Variants in IGFN1 observed in about 807,000 individuals in gnomAD.
IGFN1 encodes the protein immunoglobulin-like and fibronectin type III domain-containing protein 1.
A neutral mutation model predicts 289.5 loss-of-function variants in IGFN1; 253 were observed. The ratio of observed to expected loss-of-function variants is 0.87; its 90% confidence interval spans 0.79 to 0.97. IGFN1 has a LOEUF of 0.97. Among genes scored for constraint, IGFN1 ranks in the 50% least tolerant of loss-of-function variants. IGFN1 has a pLI of 0.00. For synonymous variants in IGFN1, 1,706 were observed against 1,788.5 expected (o/e 0.95, Z 1.16); for missense variants, 4,470 against 4,686.1 (o/e 0.95, Z 1.35).
rs1319543101 is a variant in IGFN1 at position 201,208,147 on chromosome 1, C to T, written c.3254C>T (p.Ser1085Phe). The T allele has an allele frequency of 5.9e-6, 9 of 1,536,950 alleles. No homozygotes were observed. The highest frequency in any genetic ancestry group is 1.7e-4 in the Middle Eastern group (1 of 5,990). The change falls in exon 12 of 24, where the codon TCT (serine) becomes TTT (phenylalanine). Residue 1085 changes from serine to phenylalanine, a missense_variant. By Grantham distance (155) the Ser-to-Phe change is radical. This residue lies in a region of IGFN1 where 2,011 missense variants were observed against 1,953.4 expected (regional missense o/e 1.03). Coordinates refer to ENST00000335211, the MANE Select transcript of IGFN1 (RefSeq NM_001164586.2). ...GGLGSPGVTG[S>F]AGRGGLKAPG... ...CTAGGGAGTCCTGGGGTGACAGGGT[C>T]TGCGGGTAGAGGTGGTCTCAAGGCC... is the stretch of plus-strand genomic sequence containing the variant.
In IGFN1 at chr1:201,211,657, G is replaced by A. The variant is rs1460743523; in HGVS notation, c.6764G>A (p.Gly2255Glu). The A allele has an allele frequency of 2.0e-6, 3 of 1,537,008 alleles. No homozygotes were observed. Among genetic ancestry groups the A allele is most frequent in the South Asian group, 2.4e-5 (2 of 84,056 alleles). ...GAGGCAGATTATAGGAAGGATTTGGGAGCTCCTGAGGAAATGGGTTCAGGC... is the reference window on the plus strand; with the variant it reads ...GAGGCAGATTATAGGAAGGATTTGGAAGCTCCTGAGGAAATGGGTTCAGGC... ...MDEADYRKDL[G>E]APEEMGSGSY... The change falls in exon 12 of 24, where the codon GGA becomes GAA. Residue 2255 changes from glycine (G) to glutamate (E), a missense_variant. Around this residue, in one of 8 missense-constraint regions of IGFN1, gnomAD observed 2,218 missense variants for 2,114.1 expected, o/e 1.05. Coordinates refer to ENST00000335211, the MANE Select transcript of IGFN1 (RefSeq NM_001164586.2).
rs532719858 is a variant in IGFN1 at position 201,211,397 on chromosome 1, G to C, written c.6504G>C (p.Gly2168=). The C allele has an allele frequency of 1.4e-6, 2 of 1,472,982 alleles. No individual in the cohort carries two copies. The highest frequency in any genetic ancestry group is 1.8e-6 in the Non-Finnish European group (2 of 1,112,434). 91.2% of individuals were successfully genotyped at this position (1,472,982 alleles called of 1,614,324 possible). A position where few individuals can be genotyped will look rare whatever the true frequency, so the allele number is the denominator to read the frequency against. ...TTAGGGATGGTTTAGGGAGTTCTGG[G>C]GAAATGGGGTCAATGGATGAGGCAG... ...AGFRDGLGSS[G]EMGSMDEAGY... The change falls in exon 12 of 24, where the codon GGG becomes GGC. Residue 2168 remains glycine (G), a synonymous_variant. Coordinates refer to ENST00000335211, the MANE Select transcript of IGFN1 (RefSeq NM_001164586.2).
intron 10 of IGFN1, 121 bp from the exon 11 acceptor site, chr1:201,204,961 A>G: frequency 1.0e-6 from 1 of 972,148 alleles, no homozygotes. Context: ...GTCCAAGGTA[A>G]CATGGGGAGT....
At position 201,216,587 on chromosome 1, in the gene IGFN1, T is replaced by C. The variant is rs760162134; in HGVS notation, c.9429T>C (p.Ala3143=). 1.1e-4 allele frequency: 184 copies of C among 1,613,636 alleles called. No homozygotes were observed. The highest frequency in any genetic ancestry group is 1.3e-4 in the Non-Finnish European group (158 of 1,179,866). Residue 3143 remains alanine (A), a synonymous_variant, in exon 16 of 24, where the codon GCT becomes GCC. Transcript: ENST00000335211. ...GCTACGTGGTGGAGAGACGGCAGGC[T>C]GGCAGGAGCACTTGGCTGAAGGTGG... is the stretch of plus-strand genomic sequence containing the variant. ...VECYVVERRQ[A]GRSTWLKVGE... is the part of the protein sequence containing the mutation.
In IGFN1 at chr1:201,224,729, CA is replaced by C; in HGVS notation, c.10345del (p.Arg3449GlufsTer3). On this transcript the variant is annotated frameshift_variant, in exon 21 of 24. Coordinates refer to ENST00000335211, the MANE Select transcript of IGFN1 (RefSeq NM_001164586.2). LOFTEE classifies it high-confidence loss of function. ...GGCTGAAGGATGGCTTGCCCTTGCCCAAAAGAAGTGTGACTGTCACTAAGGA... is the reference window on the plus strand; with the variant it reads ...GGCTGAAGGATGGCTTGCCCTTGCCCAAAGAAGTGTGACTGTCACTAAGGA... ...TWLKDGLPLP[K>X]RSVTVTKDGL... 1.9e-6 allele frequency: 3 copies of C among 1,614,192 alleles called. No homozygotes were observed. Among genetic ancestry groups the C allele is most frequent in the Non-Finnish European group, 2.5e-6 (3 of 1,180,030 alleles).
chr1:201,197,339 T>C, intron 5 of IGFN1, 22 bp downstream of exon 5: 1 of 1,462,266 alleles, frequency 6.8e-7, no homozygotes, highest in South Asian at 1.2e-5. Context: ...CCTGAGTTTG[T>C]CTCATCAGTG....
Position 201,212,968 on chromosome 1 carries a change from T to C in IGFN1, c.8075T>C (p.Leu2692Pro). ...GGTGGATGCCGAAGCCCATGGTCCC[T>C]GGATAGCAAAGGTTCAAGTCCTGGA... ...AAGGCRSPWS[L>P]DSKGSSPGRG... Residue 2692 changes from leucine (L) to proline (P), a missense_variant, in exon 12 of 24, where the codon CTG becomes CCG. By Grantham distance (98) the Leu-to-Pro change is moderately conservative. Around this residue, in one of 8 missense-constraint regions of IGFN1, gnomAD observed 2,218 missense variants for 2,114.1 expected, o/e 1.05. Transcript: ENST00000335211. 6.4e-7 allele frequency: 1 copy of C among 1,551,506 alleles called. No individual in the cohort carries two copies. The highest frequency in any genetic ancestry group is 8.7e-7 in the Non-Finnish European group (1 of 1,146,964).
At chr1:201,224,941 A>G in intron 21 of IGFN1, 67 bp downstream of exon 21, 5 of 1,236,584 alleles carry the variant, frequency 4.0e-6, no homozygotes, top group South Asian at 2.9e-5. Flanking sequence ...AGAGGTGTCC[A>G]CTGGTCTGAT....
At position 201,206,451 on chromosome 1, in the gene IGFN1, G is replaced by C. The variant is rs1292113550; in HGVS notation, c.1558G>C (p.Glu520Gln). 6.4e-7 allele frequency: 1 copy of C among 1,551,210 alleles called. No individual in the cohort carries two copies. The highest frequency in any genetic ancestry group is 8.7e-7 in the Non-Finnish European group (1 of 1,146,996). Reference sequence around the variant, plus strand: ...GGGAGGCTGGGCCAGAAGCCTTGCAGAGAGGCCCCATCTACAGGGAGAGAG... The same window carrying C: ...GGGAGGCTGGGCCAGAAGCCTTGCACAGAGGCCCCATCTACAGGGAGAGAG... Reference protein sequence around the residue: ...REGGWARSLAERPHLQGESSE... With the variant: ...REGGWARSLAQRPHLQGESSE... The change falls in exon 12 of 24, where the codon GAG (glutamate) becomes CAG (glutamine). Residue 520 changes from glutamate to glutamine, a missense_variant. Physicochemically the swap from Glu to Gln is conservative, Grantham distance 29 (BLOSUM62 2). Transcript: ENST00000335211.
At chr1:201,215,236 C>G in intron 14 of IGFN1, 82 bp downstream of exon 14, 1 of 1,441,324 alleles carries the variant, frequency 6.9e-7, no homozygotes, top group South Asian at 1.4e-5. Context: ...CTTTAAAACA[C>G]CTGAATTTGT....
intron 9 of IGFN1, 45 bp downstream of exon 9, chr1:201,201,877 C>T (rs1375665043): frequency 4.6e-6 from 4 of 873,254 alleles, no homozygotes; most frequent in Non-Finnish European, 7.5e-6. Context: ...GGCAGGGATG[C>T]TTCAGGTCTA....
chr1:201,220,180 CTT>C (rs1176877715), intron 18 of IGFN1, among the ~76,000 whole-genome samples: 3 of 29,070 alleles, frequency 1.0e-4, no homozygotes, highest in Non-Finnish European at 1.8e-4. Flanking sequence ...CTATCCCTTT[CTT>C]TCTCTCTCTC....
rs1239435974 is a variant in IGFN1, at chr1:201,209,388, T to C, written c.4495T>C (p.Leu1499=). The C allele has an allele frequency of 4.0e-6, 6 of 1,516,092 alleles. No individual in the cohort carries two copies. The East Asian group carries it at 1.2e-4, about 31-fold the overall frequency. 93.9% of individuals were successfully genotyped at this position (1,516,092 alleles called of 1,614,324 possible). A position where few individuals can be genotyped will look rare whatever the true frequency, so the allele number is the denominator to read the frequency against. Residue 1499 remains leucine, a synonymous_variant, in exon 12 of 24, where the codon TTG becomes CTG. Transcript: ENST00000335211. ...GLIEAGYRKD[L]GVSEGGGSGS... The stretch of plus-strand genomic sequence containing the variant: ...AATTGAGGCAGGCTATAGGAAAGAT[T>C]TGGGGGTTTCTGAGGGAGGGGGTTC...
intron 12 of IGFN1, among the ~76,000 whole-genome samples, chr1:201,213,840 A>G (rs1356817994): frequency 6.6e-6 from 1 of 152,176 alleles, no homozygotes; most frequent in Non-Finnish European, 1.5e-5. Flanking sequence ...GAGGTCTCCT[A>G]GGTATCTGCT....
rs550548138 is a variant in IGFN1 at position 201,224,758 on chromosome 1, G to A, written c.10370G>A (p.Gly3457Asp). 1 of 1,614,192 alleles carries A rather than the reference G, an allele frequency of 6.2e-7. No homozygotes were observed. The highest frequency in any genetic ancestry group is 8.5e-7 in the Non-Finnish European group (1 of 1,180,016). Residue 3457 changes from glycine (G) to aspartate (D), a missense_variant, in exon 21 of 24, where the codon GGC becomes GAC. Around this residue, in one of 8 missense-constraint regions of IGFN1, gnomAD observed 2,218 missense variants for 2,114.1 expected, o/e 1.05. Coordinates refer to ENST00000335211, the MANE Select transcript of IGFN1 (RefSeq NM_001164586.2). ...PKRSVTVTKD[G>D]LTQLLIPVAG... ...AGAAGTGTGACTGTCACTAAGGATGGCCTCACCCAGCTTCTGATCCCTGTG... is the reference window on the plus strand; with the variant it reads ...AGAAGTGTGACTGTCACTAAGGATGACCTCACCCAGCTTCTGATCCCTGTG...
rs771537140 is a variant in IGFN1 at position 201,201,833 on chromosome 1, G to A, written c.747+1G>A. The A allele has an allele frequency of 7.2e-7, 1 of 1,384,128 alleles. No homozygotes were observed. The highest frequency in any genetic ancestry group is 1.2e-5 in the South Asian group (1 of 80,768). The allele number at this position is 1,384,128 out of a possible 1,614,324, so 85.7% of individuals were successfully genotyped here. On this transcript the variant is annotated splice_donor_variant, in intron 9 of 23. Coordinates refer to ENST00000335211, the MANE Select transcript of IGFN1 (RefSeq NM_001164586.2). LOFTEE classifies it high-confidence loss of function. ...TCAGAGCAAGATTTACCTGTATAAG[G>A]TGAGGCTGGAGGGGCTATGGGTGGG...
At position 201,194,232 on chromosome 1, in the gene IGFN1, C is replaced by T. The variant is rs761562477; in HGVS notation, c.86C>T (p.Pro29Leu). 1.9e-5 allele frequency: 30 copies of T among 1,551,450 alleles called. No individual in the cohort carries two copies. The East Asian group carries it at 2.4e-4, about 13-fold the overall frequency. ...VEEIPEGCST[P>L]DFEQKPVTSA... ...GAGATCCCTGAAGGCTGCAGCACGCCGGACTTTGAGCAGAAGCCCGTCACC... is the reference window on the plus strand; with the variant it reads ...GAGATCCCTGAAGGCTGCAGCACGCTGGACTTTGAGCAGAAGCCCGTCACC... Residue 29 changes from proline to leucine, a missense_variant, in exon 3 of 24, where the codon CCG becomes CTG. Around this residue, in one of 8 missense-constraint regions of IGFN1, gnomAD observed 2,011 missense variants for 1,953.4 expected, o/e 1.03. Coordinates refer to ENST00000335211, the MANE Select transcript of IGFN1 (RefSeq NM_001164586.2).
chr1:201,191,818 A>G (rs1666669320), intron 1 of IGFN1, among the ~76,000 whole-genome samples: 1 of 152,128 alleles, frequency 6.6e-6, no homozygotes. Flanking sequence ...ATCCTTCTTC[A>G]TGTGTGACCA....
rs1010360401 is a variant in IGFN1 at position 201,207,207 on chromosome 1, A to G, written c.2314A>G (p.Lys772Glu). 15 of 1,536,794 alleles carry G rather than the reference A, an allele frequency of 9.8e-6. No homozygotes were observed. Among genetic ancestry groups the G allele is most frequent in the Non-Finnish European group, 1.3e-5 (15 of 1,146,862 alleles). ...GTCTGTAGTTACAGGAAGTGCCTAC[A>G]AAACTGGCCCTGGAGGCCCAGGAGA... ...GESVVTGSAY[K>E]TGPGGPGDPR... Residue 772 changes from lysine to glutamate, a missense_variant, in exon 12 of 24, where the codon AAA (lysine) becomes GAA (glutamate). By Grantham distance (56) the Lys-to-Glu change is moderately conservative. Coordinates refer to ENST00000335211, the MANE Select transcript of IGFN1 (RefSeq NM_001164586.2).
Sources: gnomAD v4.1 joint callset for allele counts (sites outside exome capture counted in the v4.1 genomes callset) on GRCh38, gnomAD v4.1.1 for gene constraint, gnomAD v4.1.1 regional missense constraint, MANE v1.5 for transcripts, NCBI Gene and HGNC (gene_info 2026-07-23, HGNC 2026-07-21) for gene names.